The following ST8SIA1 variants were observed in gnomAD, a reference collection of about 807,000 sequenced individuals.
The protein encoded by ST8SIA1 is ST8 alpha-N-acetyl-neuraminide alpha-2,8-sialyltransferase 1, also known as alpha-N-acetylneuraminide alpha-2,8-sialyltransferase.
A neutral mutation model predicts 35.9 loss-of-function variants in ST8SIA1; 16 were observed. That is an observed-to-expected ratio of 0.45 (90% confidence interval 0.30 to 0.68). ST8SIA1 has a LOEUF of 0.68. ST8SIA1 is among the 30% of genes least tolerant of loss of function. The pLI is 0.09. For missense variants in ST8SIA1, 383 were observed against 453.6 expected, an observed-to-expected ratio of 0.84 and a Z score of 1.41; for synonymous variants, 170 against 169.6, an observed-to-expected ratio of 1.00 and a Z score of -0.02.
chr12:22,315,227 C>G (rs1462672004), intron 1 of ST8SIA1, among the ~76,000 whole-genome samples: 1 of 151,950 alleles, frequency 6.6e-6, no homozygotes, highest in Non-Finnish European at 1.5e-5. Context: ...AAGTGCTAAA[C>G]AGAGTTGTAA....
chr12:22,249,605 C>A (rs1434826123), intron 3 of ST8SIA1, among the ~76,000 whole-genome samples: 1 of 152,164 alleles, frequency 6.6e-6, no homozygotes, highest in East Asian at 1.9e-4. Context: ...AATTAACTAT[C>A]AGCATCTTCC....
chr12:22,309,499 A>C (rs547618897), intron 1 of ST8SIA1, among the ~76,000 whole-genome samples: 2 of 152,310 alleles, frequency 1.3e-5, no homozygotes, highest in African/African-American at 4.8e-5. Flanking sequence ...AGACCCAAGA[A>C]GGGGCATGAA....
chr12:22,324,512 A>G (rs986528681), intron 1 of ST8SIA1: 3 of 152,210 alleles, frequency 2.0e-5, no homozygotes, highest in African/African-American at 7.2e-5. Context: ...GATGATGTAG[A>G]CTGCATATAC....
At chr12:22,266,417 C>G (rs1044045241) in intron 2 of ST8SIA1, among the ~76,000 whole-genome samples, 1 of 151,856 alleles carries the variant, frequency 6.6e-6, no homozygotes, top group African/African-American at 2.4e-5. Flanking sequence ...ATTACTGTTG[C>G]TACTGTTATT....
chr12:22,297,091 T>A (rs1429900520), intron 1 of ST8SIA1, among the ~76,000 whole-genome samples: 1 of 152,042 alleles, frequency 6.6e-6, no homozygotes, highest in Non-Finnish European at 1.5e-5. Context: ...ATATAAGAAC[T>A]CCATTCAGAA....
chr12:22,302,222 T>C (rs570887272), intron 1 of ST8SIA1, among the ~76,000 whole-genome samples: 20 of 145,750 alleles, frequency 1.4e-4, no homozygotes, highest in African/African-American at 5.1e-4. Flanking sequence ...AATGATGTTT[T>C]CGATTTTTTT....
intron 1 of ST8SIA1, among the ~76,000 whole-genome samples, chr12:22,288,144 G>A: frequency 6.6e-6 from 1 of 152,184 alleles, no homozygotes; most frequent in Admixed American, 6.5e-5. Context: ...TTAACAATCT[G>A]TCAGAAATAA....
At chr12:22,210,504 T>G (rs955665685) in intron 4 of ST8SIA1, among the ~76,000 whole-genome samples, 3 of 152,110 alleles carry the variant, frequency 2.0e-5, no homozygotes, top group African/African-American at 7.2e-5. Flanking sequence ...AGACACCAGC[T>G]GGGGGTCCTC....
At chr12:22,279,807 T>C (rs1866013232) in intron 2 of ST8SIA1, among the ~76,000 whole-genome samples, 1 of 152,206 alleles carries the variant, frequency 6.6e-6, no homozygotes, top group South Asian at 2.1e-4. Context: ...CCCCATTGTG[T>C]TGGGCAAGTC....
At chr12:22,330,756 T>G (rs1866752197) in intron 1 of ST8SIA1, among the ~76,000 whole-genome samples, 1 of 152,228 alleles carries the variant, frequency 6.6e-6, no homozygotes, top group Non-Finnish European at 1.5e-5. Flanking sequence ...GTTAGCTTAA[T>G]TGTTACTATT....
chr12:22,214,583 GACA>G (rs35002189), intron 4 of ST8SIA1, among the ~76,000 whole-genome samples: 31,331 of 151,892 alleles, frequency 0.21, 3,519 homozygotes, highest in South Asian at 0.33. Context: ...TTGGCTTGTT[GACA>G]ACAAGTTTGA....
Position 22,201,490 on chromosome 12 carries a change from T to C in ST8SIA1, c.*62A>G, listed in dbSNP as rs1212710807. 6.6e-7 allele frequency: 1 copy of C among 1,525,550 alleles called. No homozygotes were observed. Among genetic ancestry groups the C allele is most frequent in the African/African-American group, 1.4e-5 (1 of 71,958 alleles). The allele number at this position is 1,525,550 out of a possible 1,614,324, so 94.5% of individuals were successfully genotyped here. The stretch of plus-strand genomic sequence containing the variant: ...ATGAAACAACTTGACCATTCCCTCT[T>C]GGAGTCACATAGAAAACCTAACAAA... On this transcript the variant is annotated 3_prime_UTR_variant, in exon 5 of 5. Coordinates refer to ENST00000396037, the MANE Select transcript of ST8SIA1 (RefSeq NM_003034.4).
chr12:22,304,119 T>G (rs58294932), intron 1 of ST8SIA1, among the ~76,000 whole-genome samples: 1 of 152,146 alleles, frequency 6.6e-6, no homozygotes, highest in African/African-American at 2.4e-5. Context: ...CCTTTCTGGT[T>G]TGATACTTGG....
chr12:22,199,473 A>G lies in ST8SIA1; in HGVS notation c.*2079T>C, dbSNP rs753862597. 3 of 152,158 alleles carry G rather than the reference A, an allele frequency of 2.0e-5. No homozygotes were observed. Among genetic ancestry groups the G allele is most frequent in the Non-Finnish European group, 4.4e-5 (3 of 68,016 alleles). The allele number at this position is 152,158 out of a possible 1,614,324, so 9.4% of individuals were successfully genotyped here. On this transcript the variant is annotated 3_prime_UTR_variant, in exon 5 of 5. Coordinates refer to ENST00000396037, the MANE Select transcript of ST8SIA1 (RefSeq NM_003034.4). The stretch of plus-strand genomic sequence containing the variant: ...AAATAACAGTAGCTCAAAAGAGGAA[A>G]CATATTTAAAGTTTCACTCAAAGTG...
intron 1 of ST8SIA1, among the ~76,000 whole-genome samples, chr12:22,331,934 G>T (rs1320580471): frequency 3.9e-5 from 6 of 152,136 alleles, no homozygotes; most frequent in African/African-American, 1.4e-4. Flanking sequence ...GGTACACAAT[G>T]TACCAGATAC....
intron 1 of ST8SIA1, among the ~76,000 whole-genome samples, chr12:22,314,910 A>G (rs1171913439): frequency 2.0e-5 from 3 of 151,960 alleles, no homozygotes; most frequent in Non-Finnish European, 4.4e-5. Context: ...GTTTTCTTTC[A>G]TTTCTCCCAC....
chr12:22,274,847 G>T (rs1277884689), intron 2 of ST8SIA1, among the ~76,000 whole-genome samples: 3 of 152,180 alleles, frequency 2.0e-5, no homozygotes, highest in African/African-American at 4.8e-5. Flanking sequence ...TTTACCACCT[G>T]CTATGTTATG....
intron 4 of ST8SIA1, among the ~76,000 whole-genome samples, chr12:22,241,660 T>A (rs1378710764): frequency 1.4e-5 from 2 of 142,724 alleles, no homozygotes; most frequent in Non-Finnish European, 3.0e-5. Flanking sequence ...TGGAGTGCAG[T>A]GGCGCGATCT....
At chr12:22,227,348 G>C (rs1329182827) in intron 4 of ST8SIA1, among the ~76,000 whole-genome samples, 1 of 152,026 alleles carries the variant, frequency 6.6e-6, no homozygotes, top group African/African-American at 2.4e-5. Context: ...GGCTGAGGCA[G>C]GCAGATCACG....
Sources: gnomAD v4.1 joint callset for allele counts (sites outside exome capture counted in the v4.1 genomes callset) on GRCh38, gnomAD v4.1.1 for gene constraint, MANE v1.5 for transcripts, NCBI Gene and HGNC (gene_info 2026-07-23, HGNC 2026-07-21) for gene names.